RBFOX3: variants seen among roughly 807,000 people sequenced by gnomAD.
RBFOX3 encodes RNA binding fox-1 homolog 3.
Under a neutral mutation model 48.7 loss-of-function variants are expected in RBFOX3, and 17 were observed. The observed-to-expected ratio is 0.35, with a 90% CI of 0.24 to 0.52. The LOEUF is 0.52. Ranked by LOEUF, RBFOX3 falls within the 20% of genes least tolerant of loss-of-function variation. The pLI is 0.94. For missense variants in RBFOX3, 382 were observed against 497.5 expected, an observed-to-expected ratio of 0.77 and a Z score of 2.21; for synonymous variants, 212 against 209.5, an observed-to-expected ratio of 1.01 and a Z score of -0.10.
In RBFOX3 at chr17:79,101,586, T is replaced by C. The variant is rs1395850824; in HGVS notation, c.566A>G (p.Asn189Ser). ...TNKKTGNPYT[N>S]GWKLNPVVGA... ...TGTGGGGGGACCCAGCCCCTTACCGTTGGTGTAGGGGTTCCCCGTCTTCTT... is the reference window on the plus strand; with the variant it reads ...TGTGGGGGGACCCAGCCCCTTACCGCTGGTGTAGGGGTTCCCCGTCTTCTT... Residue 189 changes from asparagine to serine, a missense_variant and splice_region_variant, in exon 9 of 15, where the codon AAC (asparagine) becomes AGC (serine). Around this residue, in one of 3 missense-constraint regions of RBFOX3, gnomAD observed 215 missense variants for 254.8 expected, o/e 0.84. Coordinates refer to ENST00000693108, the MANE Select transcript of RBFOX3 (RefSeq NM_001350451.2). 5 of 1,549,566 alleles carry C rather than the reference T, an allele frequency of 3.2e-6. No homozygotes were observed. The highest frequency in any genetic ancestry group is 2.0e-5 in the Admixed American group (1 of 50,980).
chr17:79,243,475 G>GGCTTTGC lies in RBFOX3; in HGVS notation c.-73-7671_-73-7670insGCAAAGC, dbSNP rs1427269444. Among the ~76,000 whole-genome samples, 1 of 151,872 alleles carries GGCTTTGC rather than the reference G, an allele frequency of 6.6e-6. No individual in the cohort carries two copies. Among genetic ancestry groups the GGCTTTGC allele is most frequent in the Non-Finnish European group, 1.5e-5 (1 of 67,850 alleles). On this transcript the variant is annotated intron_variant, in intron 3 of 14. Coordinates refer to ENST00000693108, the MANE Select transcript of RBFOX3 (RefSeq NM_001350451.2). The surrounding 1 kb of genome is among the most constrained non-coding windows in gnomAD (Gnocchi z 7.9). ...GTGCTGGGCTTTGCAAAGCCCATGT[G>GGCTTTGC]CCTTTGCCCTGGGGTGTCATTTGGG...
At chr17:79,495,007 C>T (rs372235843) in intron 1 of RBFOX3, among the ~76,000 whole-genome samples, 1 of 152,134 alleles carries the variant, frequency 6.6e-6, no homozygotes, top group South Asian at 2.1e-4. Context: ...TGTCTGTCCA[C>T]GCAGTGGCCA....
Position 79,299,907 on chromosome 17 carries a change from CT to C in RBFOX3, c.-74+7816del, listed in dbSNP as rs879903980. 6.8e-3 allele frequency among the ~76,000 whole-genome samples: 978 copies of C among 143,250 alleles called. 2 individuals are homozygous for C. The highest frequency in any genetic ancestry group is 0.012 in the African/African-American group (466 of 39,422). The allele number at this position is 143,250 out of a possible 152,430, so 94.0% of individuals were successfully genotyped here. A position where few individuals can be genotyped will look rare whatever the true frequency, so the allele number is the denominator to read the frequency against. On this transcript the variant is annotated intron_variant, in intron 3 of 14. Coordinates refer to ENST00000693108, the MANE Select transcript of RBFOX3 (RefSeq NM_001350451.2). This position sits in a 1 kb window ranked among gnomAD's most constrained non-coding sequence, Gnocchi z 4.5. ...GCCTCCAAAGGAATCTGCCGACACT[CT>C]TTTTTTTTTTTTTTGAGACAGTGTC... is the stretch of plus-strand genomic sequence containing the variant.
At chr17:79,654,861 A>G in the RBFOX3 span, among the ~76,000 whole-genome samples, 1 of 152,212 alleles carries the variant, frequency 6.6e-6, no homozygotes, top group African/African-American at 2.4e-5. Context: ...CTCTCTCTGA[A>G]GCAACATTAT....
chr17:79,438,776 C>T (rs1432103402), intron 2 of RBFOX3, among the ~76,000 whole-genome samples: 4 of 152,232 alleles, frequency 2.6e-5, no homozygotes, highest in East Asian at 1.9e-4. Context: ...CCATCACCTG[C>T]GTTTCCTCTA....
intron 1 of RBFOX3, among the ~76,000 whole-genome samples, chr17:79,516,542 C>T (rs899763115): frequency 6.6e-5 from 10 of 152,260 alleles, no homozygotes; most frequent in South Asian, 4.1e-4. Flanking sequence ...GCTCTGTTCA[C>T]GCCCCGAGGT....
intron 4 of RBFOX3, among the ~76,000 whole-genome samples, chr17:79,145,363 T>C (rs55877426): frequency 0.25 from 37,447 of 152,200 alleles, 4,810 homozygotes; most frequent in Middle Eastern, 0.29. Context: ...ACCCTGAAAT[T>C]GCCTTGGAAG....
At chr17:79,347,335 T>C (rs939459950) in intron 2 of RBFOX3, among the ~76,000 whole-genome samples, 1 of 152,188 alleles carries the variant, frequency 6.6e-6, no homozygotes, top group Non-Finnish European at 1.5e-5. Flanking sequence ...CTCTTATCTC[T>C]TCTTTTTGGG....
At chr17:79,116,805 AG>A (rs1422959383) in intron 4 of RBFOX3, among the ~76,000 whole-genome samples, 13 of 152,270 alleles carry the variant, frequency 8.5e-5, no homozygotes, top group Admixed American at 8.5e-4. Context: ...AGAGGCTCTT[AG>A]AAGCCCAGGC....
At chr17:79,661,291 A>AT in the RBFOX3 span, among the ~76,000 whole-genome samples, 1 of 151,960 alleles carries the variant, frequency 6.6e-6, no homozygotes, top group East Asian at 1.9e-4. Context: ...AAAGTTGAAG[A>AT]TTTTTTTTAA....
chr17:79,217,345 G>C (rs978044003), intron 4 of RBFOX3, among the ~76,000 whole-genome samples: 4 of 152,214 alleles, frequency 2.6e-5, no homozygotes, highest in African/African-American at 7.2e-5. Flanking sequence ...GGCTGCACAA[G>C]AGTGGGGAGC....
At chr17:79,404,137 A>C (rs1328790094) in intron 2 of RBFOX3, among the ~76,000 whole-genome samples, 2 of 152,180 alleles carry the variant, frequency 1.3e-5, no homozygotes, top group African/African-American at 4.8e-5. Flanking sequence ...GGGTGATGCC[A>C]GTGTCCCGTC....
intron 4 of RBFOX3, among the ~76,000 whole-genome samples, chr17:79,119,610 G>A (rs1253487970): frequency 6.6e-6 from 1 of 152,186 alleles, no homozygotes; most frequent in East Asian, 1.9e-4. Context: ...TAGCCACCAG[G>A]TGGTCCTGGT....
chr17:79,202,677 G>C (rs1237521822), intron 4 of RBFOX3, among the ~76,000 whole-genome samples: 1 of 152,038 alleles, frequency 6.6e-6, no homozygotes, highest in African/African-American at 2.4e-5. Context: ...TTTTATTCCA[G>C]CCTTGGCTGT....
At chr17:79,463,154 A>ATCGCCACTGCCACCTCCACCG (rs1568294170) in intron 2 of RBFOX3, among the ~76,000 whole-genome samples, 62 of 92,860 alleles carry the variant, frequency 6.7e-4, no homozygotes, top group African/African-American at 2.0e-3. Context: ...CACCTCCACC[A>ATCGCCACTGCCACCTCCACCG]CCATCGCCAC....
chr17:79,568,286 C>T (rs2092542757), intron 1 of RBFOX3, among the ~76,000 whole-genome samples: 1 of 152,112 alleles, frequency 6.6e-6, no homozygotes, highest in East Asian at 1.9e-4. Flanking sequence ...AACAGAGAAC[C>T]GATTCCTTTT....
intron 4 of RBFOX3, among the ~76,000 whole-genome samples, chr17:79,148,554 C>T (rs1469583285): frequency 1.3e-5 from 2 of 152,232 alleles, no homozygotes; most frequent in African/African-American, 4.8e-5. Flanking sequence ...GAGTGCCTCC[C>T]GAAGGCCACT....
chr17:79,293,850 T>A (rs558772737), intron 3 of RBFOX3, among the ~76,000 whole-genome samples: 2 of 152,254 alleles, frequency 1.3e-5, no homozygotes, highest in Non-Finnish European at 2.9e-5. Context: ...ATAAGCCAGA[T>A]GAAGGAGAAG....
chr17:79,189,869 G>C (rs1312731986), intron 4 of RBFOX3, among the ~76,000 whole-genome samples: 4 of 152,246 alleles, frequency 2.6e-5, no homozygotes, highest in Non-Finnish European at 5.9e-5. Flanking sequence ...CTCCAGCTCG[G>C]ACTGGGTATC....
Sources: gnomAD v4.1 joint callset for allele counts (sites outside exome capture counted in the v4.1 genomes callset) on GRCh38, gnomAD v4.1.1 for gene constraint, gnomAD v4.1.1 regional missense constraint, Gnocchi (gnomAD v3.1) non-coding constraint, MANE v1.5 for transcripts, NCBI Gene and HGNC (gene_info 2026-07-23, HGNC 2026-07-21) for gene names.